PUDP: variants seen among roughly 807,000 people sequenced by gnomAD.
PUDP encodes pseudouridine-5'-phosphatase.
PUDP carries 8 observed loss-of-function variants against 9.4 expected under a neutral mutation model. That is an observed-to-expected ratio of 0.85 (90% CI 0.50 to 1.53). PUDP has a LOEUF of 1.53. Among genes scored for constraint, PUDP ranks in the 40% most tolerant of loss-of-function variants. PUDP has a pLI of 0.00. For synonymous variants in PUDP, 99 were observed against 80.7 expected, an observed-to-expected ratio of 1.23 and a Z score of -1.22; for missense variants, 188 against 189.7, an observed-to-expected ratio of 0.99 and a Z score of 0.05.
intron 3 of PUDP, among the ~76,000 whole-genome samples, chrX:6,970,472 G>C (rs1928856462): frequency 9.0e-6 from 1 of 111,554 alleles, no homozygotes; most frequent in Non-Finnish European, 1.9e-5. Context: ...GCGAACCCAA[G>C]ATTAGGAGGA....
chrX:6,816,573 T>C (rs1429995913), intron 3 of PUDP, among the ~76,000 whole-genome samples: 1 of 101,736 alleles, frequency 9.8e-6, no homozygotes, highest in East Asian at 3.1e-4. Context: ...TATACATATA[T>C]AGTATAATAT....
At chrX:6,922,389 C>T (rs5978821) in intron 3 of PUDP, among the ~76,000 whole-genome samples, 41,461 of 109,658 alleles carry the variant, frequency 0.38, 5,937 homozygotes, top group Middle Eastern at 0.51. Context: ...CCACTATATA[C>T]CCACAAAAAT....
At chrX:7,083,869 C>A (rs1931183407) in intron 2 of PUDP, among the ~76,000 whole-genome samples, 1 of 104,304 alleles carries the variant, frequency 9.6e-6, no homozygotes, top group Non-Finnish European at 1.9e-5. Flanking sequence ...CCACTGCACT[C>A]GACAGAGAAA....
At chrX:7,076,533 C>A (rs905030455) in intron 3 of PUDP, among the ~76,000 whole-genome samples, 11 of 111,950 alleles carry the variant, frequency 9.8e-5, no homozygotes, top group African/African-American at 3.2e-4. Context: ...CAGGCCCAGC[C>A]ACCACAAGCG....
At chrX:7,063,806 G>A (rs761151624) in intron 3 of PUDP, among the ~76,000 whole-genome samples, 3 of 110,872 alleles carry the variant, frequency 2.7e-5, no homozygotes, top group South Asian at 3.9e-4. Context: ...CACCATGCCC[G>A]GCTAATTTCT....
At chrX:6,900,263 A>T (rs1015597355) in intron 3 of PUDP, among the ~76,000 whole-genome samples, 3 of 102,201 alleles carry the variant, frequency 2.9e-5, no homozygotes. Context: ...TTATAAATAG[A>T]GCTATTTTTT....
At chrX:7,144,087 C>T (rs1289124621) in intron 1 of PUDP, among the ~76,000 whole-genome samples, 3 of 111,916 alleles carry the variant, frequency 2.7e-5, no homozygotes, top group Non-Finnish European at 5.6e-5. Flanking sequence ...GATCACTGCA[C>T]GTTCTGGGGT....
chrX:6,751,899 C>T (rs994921746), intron 3 of PUDP, among the ~76,000 whole-genome samples: 3 of 110,859 alleles, frequency 2.7e-5, no homozygotes, highest in African/African-American at 9.8e-5. Flanking sequence ...GGCAGCATCA[C>T]CTGTGCTTCT....
chrX:7,094,985 C>A (rs139623020), intron 2 of PUDP, among the ~76,000 whole-genome samples: 18 of 111,894 alleles, frequency 1.6e-4, no homozygotes, highest in African/African-American at 4.9e-4. Context: ...TGCCCCAAAT[C>A]GAGACCACCA....
At chrX:7,029,125 G>A (rs1471059101) in intron 1 of PUDP, among the ~76,000 whole-genome samples, 2 of 112,171 alleles carry the variant, frequency 1.8e-5, no homozygotes, top group African/African-American at 6.5e-5. Context: ...TTTAAAACAT[G>A]AGATTTAAAC....
chrX:6,983,295 G>A (rs530596145), intron 1 of PUDP, among the ~76,000 whole-genome samples: 70 of 111,402 alleles, frequency 6.3e-4, no homozygotes, highest in African/African-American at 2.2e-3. Flanking sequence ...ACAGTGAATC[G>A]GGAGTGTTGA....
At chrX:6,957,155 G>A (rs1569130689) in intron 3 of PUDP, among the ~76,000 whole-genome samples, 1 of 111,617 alleles carries the variant, frequency 9.0e-6, no homozygotes, top group African/African-American at 3.3e-5. Context: ...CTGAGCCCAG[G>A]GGAGGAGTTG....
intron 2 of PUDP, among the ~76,000 whole-genome samples, chrX:7,090,455 A>G (rs1359028697): frequency 9.0e-6 from 1 of 111,591 alleles, no homozygotes; most frequent in African/African-American, 3.3e-5. Context: ...TTGAATTCAT[A>G]TAAATCCCTA....
intron 1 of PUDP, among the ~76,000 whole-genome samples, chrX:7,018,162 G>A (rs995739418): frequency 8.9e-5 from 10 of 111,820 alleles, no homozygotes; most frequent in African/African-American, 2.9e-4. Context: ...AGCCCTTGGG[G>A]CTGCTCTGTC....
At chrX:6,940,619 T>C (rs1928384846) in intron 3 of PUDP, among the ~76,000 whole-genome samples, 1 of 111,855 alleles carries the variant, frequency 8.9e-6, no homozygotes, top group South Asian at 3.8e-4. Context: ...CATCACTCTT[T>C]TACTCCTCAC....
intron 1 of PUDP, among the ~76,000 whole-genome samples, chrX:7,025,148 T>C (rs1929691797): frequency 9.0e-6 from 1 of 111,672 alleles, no homozygotes; most frequent in Non-Finnish European, 1.9e-5. Context: ...CAGTCTTCCA[T>C]AAGAGAACTG....
chrX:7,131,242 G>T (rs1932612746), intron 1 of PUDP, among the ~76,000 whole-genome samples: 1 of 111,991 alleles, frequency 8.9e-6, no homozygotes, highest in Non-Finnish European at 1.9e-5. Context: ...AACGGCCTCT[G>T]AATCAGCCAC....
chrX:6,714,247 C>A, intron 1 of PUDP, among the ~76,000 whole-genome samples: 1 of 111,542 alleles, frequency 9.0e-6, no homozygotes, highest in South Asian at 3.7e-4. Context: ...ACAGAAAATG[C>A]AAAAGTTTAG....
intron 3 of PUDP, among the ~76,000 whole-genome samples, chrX:6,795,480 G>A (rs1438041757): frequency 9.0e-6 from 1 of 111,512 alleles, no homozygotes; most frequent in Non-Finnish European, 1.9e-5. Context: ...TGGGGGCTGT[G>A]TAAAGGGCTG....
Sources: allele counts gnomAD v4.1 joint callset (sites outside exome capture counted in the v4.1 genomes callset), GRCh38; gene constraint gnomAD v4.1.1; transcripts MANE v1.5; gene names NCBI Gene and HGNC (gene_info 2026-07-23, HGNC 2026-07-21).